The following PPFIBP1 variants were observed in gnomAD, a reference collection of about 807,000 sequenced individuals.
The protein encoded by PPFIBP1 is liprin-beta-1.
A neutral mutation model predicts 137.8 loss-of-function variants in PPFIBP1; 112 were observed. The observed-to-expected ratio is 0.81, with a 90% CI of 0.70 to 0.95. PPFIBP1 has a LOEUF of 0.95. Among genes scored for constraint, PPFIBP1 ranks in the 40% least tolerant of loss-of-function variants. The pLI, the probability that PPFIBP1 is intolerant of heterozygous loss-of-function variation, is 0.00. For missense variants in PPFIBP1, 1,083 were observed against 1,196.6 expected (o/e 0.91, Z 1.40); for synonymous variants, 378 against 417.3 (o/e 0.91, Z 1.15).
chr12:27,682,334 G>A (rs1228092541), intron 22 of PPFIBP1, 53 bp from the exon 23 acceptor site: 2 of 1,276,690 alleles, frequency 1.6e-6, no homozygotes, highest in Non-Finnish European at 2.2e-6. Context: ...TCCTTTGCCA[G>A]TGGCACCCAG....
intron 2 of PPFIBP1, 95 bp from the exon 3 acceptor site, chr12:27,633,267 C>A (rs2057386048): frequency 3.7e-6 from 3 of 812,146 alleles, no homozygotes; most frequent in Non-Finnish European, 6.0e-6. Flanking sequence ...CCATATTTGA[C>A]TACACAGCAG....
chr12:27,563,030 G>T (rs911730722), intron 1 of PPFIBP1, among the ~76,000 whole-genome samples: 1 of 151,620 alleles, frequency 6.6e-6, no homozygotes, highest in African/African-American at 2.4e-5. Flanking sequence ...TCTAGGCACT[G>T]CTGTGAAGGA....
At chr12:27,645,565 A>G (rs1393303322) in intron 4 of PPFIBP1, among the ~76,000 whole-genome samples, 1 of 152,228 alleles carries the variant, frequency 6.6e-6, no homozygotes, top group Non-Finnish European at 1.5e-5. Context: ...CCTGGAATAG[A>G]AGGTAACGTT....
At chr12:27,589,057 A>G (rs934762667) in intron 2 of PPFIBP1, among the ~76,000 whole-genome samples, 3 of 152,218 alleles carry the variant, frequency 2.0e-5, no homozygotes, top group Admixed American at 1.3e-4. Context: ...AGTAGGTAGC[A>G]GGAAAAGATC....
At position 27,676,567 on chromosome 12, in the gene PPFIBP1, G is replaced by A; in HGVS notation, c.1550G>A (p.Ser517Asn). Residue 517 changes from serine to asparagine, a missense_variant, in exon 18 of 30, where the codon AGT becomes AAT. Physicochemically the swap from Ser to Asn is conservative, Grantham distance 46 (BLOSUM62 1). Transcript: ENST00000228425. ...GGCCGGGGCTTTTTTAAAATCAAAA[G>A]TAACAAGAGAACAGCAAGTGCACCA... ...SFGRGFFKIK[S>N]NKRTASAPNL... 1 of 1,601,218 alleles carries A rather than the reference G, an allele frequency of 6.2e-7. No individual in the cohort carries two copies. Among genetic ancestry groups the A allele is most frequent in the Non-Finnish European group, 8.5e-7 (1 of 1,173,760 alleles).
chr12:27,615,129 C>T (rs181585216), intron 2 of PPFIBP1, among the ~76,000 whole-genome samples: 222 of 152,270 alleles, frequency 1.5e-3, no homozygotes, highest in African/African-American at 5.0e-3. Flanking sequence ...TATTTATTGC[C>T]ACTCTTTAGA....
chr12:27,600,254 G>A (rs1247876099), intron 2 of PPFIBP1, among the ~76,000 whole-genome samples: 5 of 151,828 alleles, frequency 3.3e-5, no homozygotes, highest in East Asian at 3.9e-4. Context: ...CCTGGCCAAC[G>A]GTGAAACACC....
intron 1 of PPFIBP1, among the ~76,000 whole-genome samples, chr12:27,554,249 A>C (rs1592421083): frequency 1.3e-5 from 2 of 152,328 alleles, no homozygotes; most frequent in East Asian, 3.9e-4. Context: ...TCCTAACTTA[A>C]ATGTTGCCAT....
chr12:27,579,110 G>A (rs1386222104), intron 2 of PPFIBP1, among the ~76,000 whole-genome samples: 4 of 152,244 alleles, frequency 2.6e-5, no homozygotes, highest in Admixed American at 2.6e-4. Flanking sequence ...AAGAAAGGAA[G>A]TTAGAGAAAC....
chr12:27,689,626 C>T (rs2061406157), intron 27 of PPFIBP1, among the ~76,000 whole-genome samples: 1 of 152,132 alleles, frequency 6.6e-6, no homozygotes, highest in Admixed American at 6.5e-5. Flanking sequence ...GAAGCTCTCA[C>T]CACTGTGTTA....
intron 27 of PPFIBP1, among the ~76,000 whole-genome samples, chr12:27,690,381 AG>A (rs994478925): frequency 6.6e-6 from 1 of 152,244 alleles, no homozygotes; most frequent in African/African-American, 2.4e-5. Flanking sequence ...GCACCCAGAT[AG>A]CTCAGTCAGT....
chr12:27,533,924 A>C (rs1944677043), intron 1 of PPFIBP1, among the ~76,000 whole-genome samples: 1 of 152,178 alleles, frequency 6.6e-6, no homozygotes, highest in African/African-American at 2.4e-5. Flanking sequence ...CCAGTGCAAC[A>C]GACTCGTTAC....
intron 1 of PPFIBP1, among the ~76,000 whole-genome samples, chr12:27,533,175 T>C (rs1160950316): frequency 1.3e-5 from 2 of 152,104 alleles, no homozygotes; most frequent in African/African-American, 4.8e-5. Flanking sequence ...TAAGTGAAAG[T>C]TGAATTTTAA....
chr12:27,647,052 A>T (rs539879293), intron 5 of PPFIBP1, among the ~76,000 whole-genome samples: 37 of 152,278 alleles, frequency 2.4e-4, no homozygotes, highest in Admixed American at 1.6e-3. Flanking sequence ...CCGAGACGGG[A>T]GTGCAGTGGC....
chr12:27,582,950 T>G (rs1205314567), intron 2 of PPFIBP1, among the ~76,000 whole-genome samples: 2 of 152,236 alleles, frequency 1.3e-5, no homozygotes, highest in Non-Finnish European at 2.9e-5. Flanking sequence ...CTTTTCTTGC[T>G]TGTTGTTTGT....
intron 26 of PPFIBP1, 21 bp from the exon 27 acceptor site, chr12:27,688,992 CTT>C (rs35617482): frequency 1.3e-4 from 173 of 1,346,110 alleles, no homozygotes; most frequent in Admixed American, 4.9e-4. Flanking sequence ...TTTTGACAAG[CTT>C]TTTTTTTTTT....
In PPFIBP1 at chr12:27,597,013, C is replaced by T. The variant is rs569428782; in HGVS notation, c.-36+18774C>T. ...GATTCCTGGGGGAATTGATCCAGGC[C>T]GAAATAAACCCATGTTCTGGTTTCT... On this transcript the variant is annotated intron_variant, in intron 2 of 29. Transcript: ENST00000228425. 4.4e-4 allele frequency among the ~76,000 whole-genome samples: 67 copies of T among 152,206 alleles called. No individual in the cohort carries two copies. In the South Asian group the frequency reaches 6.2e-3, roughly 14 times the overall value.
intron 1 of PPFIBP1, among the ~76,000 whole-genome samples, chr12:27,556,492 T>G (rs919954021): frequency 3.3e-5 from 5 of 152,152 alleles, no homozygotes; most frequent in Non-Finnish European, 7.4e-5. Context: ...TTATACAGAT[T>G]TTTTGCAGAG....
chr12:27,645,871 G>A (rs1217275557), intron 4 of PPFIBP1, among the ~76,000 whole-genome samples, 191 bp from the exon 5 acceptor site: 2 of 152,140 alleles, frequency 1.3e-5, no homozygotes, highest in East Asian at 3.9e-4. Flanking sequence ...ATGCCTATAT[G>A]CTTAACATGC....
Sources: gnomAD v4.1 joint callset for allele counts (sites outside exome capture counted in the v4.1 genomes callset) on GRCh38, gnomAD v4.1.1 for gene constraint, MANE v1.5 for transcripts, NCBI Gene and HGNC (gene_info 2026-07-23, HGNC 2026-07-21) for gene names.